Variants in ARGLU1 observed in about 807,000 individuals in gnomAD.
The protein encoded by ARGLU1 is arginine and glutamate-rich protein 1.
Under a neutral mutation model 37.6 loss-of-function variants are expected in ARGLU1, and 9 were observed. That is an observed-to-expected ratio of 0.24 (90% CI 0.14 to 0.42). The LOEUF is 0.42. Ranked by LOEUF, ARGLU1 falls within the 10% of genes least tolerant of loss-of-function variation. The pLI, the probability that ARGLU1 is intolerant of heterozygous loss-of-function variation, is 1.00. For synonymous variants in ARGLU1, 166 were observed against 138.5 expected (o/e 1.20, Z -1.39); for missense variants, 211 against 359.2 (o/e 0.59, Z 3.34).
intron 1 of ARGLU1, among the ~76,000 whole-genome samples, chr13:106,565,831 T>C (rs1243071571): frequency 1.3e-5 from 2 of 152,242 alleles, no homozygotes; most frequent in Admixed American, 6.5e-5. Flanking sequence ...CAGAGAACCA[T>C]ATAGCTCCTC....
chr13:106,546,955 T>C (rs1308611418), intron 3 of ARGLU1, among the ~76,000 whole-genome samples: 35 of 152,178 alleles, frequency 2.3e-4, no homozygotes, highest in Admixed American at 2.3e-3. Context: ...ATGTGGGGCA[T>C]TTAAGCAGTG....
At position 106,567,496 on chromosome 13, in the gene ARGLU1, G is replaced by T. The variant is rs1881002932; in HGVS notation, c.347+77C>A. 10 of 1,092,290 alleles carry T rather than the reference G, an allele frequency of 9.2e-6. No homozygotes were observed. The highest frequency in any genetic ancestry group is 7.7e-5 in the East Asian group (3 of 39,212). 67.7% of individuals were successfully genotyped at this position (1,092,290 alleles called of 1,614,324 possible). On this transcript the variant is annotated intron_variant, in intron 1 of 3. Coordinates refer to ENST00000400198, the MANE Select transcript of ARGLU1 (RefSeq NM_018011.4). This position sits in a 1 kb window ranked among gnomAD's most constrained non-coding sequence, Gnocchi z 4.3. ...CCCCGCCATTCTCCCGGCCCGCACC[G>T]TCCCGCCCCGGCCCCACGCCCTCGC...
chr13:106,548,587 C>T (rs16968844), intron 3 of ARGLU1, among the ~76,000 whole-genome samples: 3,416 of 152,158 alleles, frequency 0.022, 120 homozygotes, highest in African/African-American at 0.079. Flanking sequence ...GCAGACCCTC[C>T]TAGCCATTAT....
intron 1 of ARGLU1, among the ~76,000 whole-genome samples, chr13:106,560,467 A>C (rs993897553): frequency 1.7e-4 from 26 of 152,218 alleles, no homozygotes; most frequent in Non-Finnish European, 3.2e-4. Flanking sequence ...CATACCAATG[A>C]TATTCAGTGA....
intron 3 of ARGLU1, among the ~76,000 whole-genome samples, chr13:106,544,922 C>A (rs1477254864): frequency 6.6e-6 from 1 of 152,258 alleles, no homozygotes; most frequent in Non-Finnish European, 1.5e-5. Flanking sequence ...TCCACTCCTG[C>A]AGTGCCTTCA....
chr13:106,547,423 AAC>A (rs1439123442), intron 3 of ARGLU1, among the ~76,000 whole-genome samples: 2 of 152,218 alleles, frequency 1.3e-5, no homozygotes, highest in East Asian at 1.9e-4. Context: ...TACATATTAC[AAC>A]ACAGTTTATA....
rs866944922 is a variant in ARGLU1, at chr13:106,542,551, T to C, written c.*1445A>G. 6.6e-6 allele frequency: 1 copy of C among 152,270 alleles called. No individual in the cohort carries two copies. 9.4% of individuals were successfully genotyped at this position (152,270 alleles called of 1,614,324 possible). A position where few individuals can be genotyped will look rare whatever the true frequency, so the allele number is the denominator to read the frequency against. On this transcript the variant is annotated 3_prime_UTR_variant, in exon 4 of 4. Coordinates refer to ENST00000400198, the MANE Select transcript of ARGLU1 (RefSeq NM_018011.4). Reference sequence around the variant, plus strand: ...AGCTCAAAACTAAAGCAACAGCATTTTTCCTAGCATGCACACACAAAATAA... The same window carrying C: ...AGCTCAAAACTAAAGCAACAGCATTCTTCCTAGCATGCACACACAAAATAA...
In ARGLU1 at chr13:106,557,591, TCGG is replaced by T; in HGVS notation, c.574-463_574-461del. On this transcript the variant is annotated intron_variant, in intron 2 of 3. Coordinates refer to ENST00000400198, the MANE Select transcript of ARGLU1 (RefSeq NM_018011.4). This position sits in a 1 kb window ranked among gnomAD's most constrained non-coding sequence, Gnocchi z 5.0. ...TCCAGTGTCCTGCAGAGTGTGCTCC[TCGG>T]CTGCCATACGCGCCAGCTTCCTCTT... The T allele has an allele frequency of 6.2e-7, 1 of 1,608,054 alleles. No individual in the cohort carries two copies. The highest frequency in any genetic ancestry group is 8.5e-7 in the Non-Finnish European group (1 of 1,177,828).
chr13:106,564,728 C>G (rs1228005015), intron 1 of ARGLU1, among the ~76,000 whole-genome samples: 1 of 152,200 alleles, frequency 6.6e-6, no homozygotes, highest in African/African-American at 2.4e-5. Context: ...AGCGAAGCCC[C>G]TCTCAGCTAG....
chr13:106,552,624 C>T (rs1195506796), intron 3 of ARGLU1, among the ~76,000 whole-genome samples: 1 of 152,162 alleles, frequency 6.6e-6, no homozygotes, highest in Admixed American at 6.5e-5. Flanking sequence ...ATATACATTT[C>T]AGAACAGTAT....
At position 106,552,152 on chromosome 13, in the gene ARGLU1, T is replaced by C. The variant is rs370909093; in HGVS notation, c.657+4896A>G. Among the ~76,000 whole-genome samples, 16 of 152,348 alleles carry C rather than the reference T, an allele frequency of 1.1e-4. 1 individual carries two copies. The highest frequency in any genetic ancestry group is 3.8e-4 in the African/African-American group (16 of 41,590). On this transcript the variant is annotated intron_variant, in intron 3 of 3. Transcript: ENST00000400198. Reference sequence around the variant, plus strand: ...ATGTATGTGGTACACATTTGATATATAAGCAACTTTCAAACATGGCATATC... The same window carrying C: ...ATGTATGTGGTACACATTTGATATACAAGCAACTTTCAAACATGGCATATC...
intron 2 of ARGLU1, chr13:106,558,879 G>A (rs1057021680): frequency 1.0e-6 from 1 of 985,392 alleles, no homozygotes; most frequent in Non-Finnish European, 1.2e-6. Context: ...CAGAATGCTA[G>A]AATTAGTCCA....
At chr13:106,561,049 A>C (rs566896760) in intron 1 of ARGLU1, among the ~76,000 whole-genome samples, 1 of 152,272 alleles carries the variant, frequency 6.6e-6, no homozygotes, top group South Asian at 2.1e-4. Flanking sequence ...TATCCTCTAC[A>C]TTCTTCTGTC....
chr13:106,567,604 T>C lies in ARGLU1; in HGVS notation c.316A>G (p.Lys106Glu), dbSNP rs1566477228. The change falls in exon 1 of 4, where the codon AAG becomes GAG. Residue 106 changes from lysine (K) to glutamate (E), a missense_variant. Around this residue, in one of 3 missense-constraint regions of ARGLU1, gnomAD observed 130 missense variants for 179.8 expected, o/e 0.72. Transcript: ENST00000400198. The surrounding 1 kb of genome is among the most constrained non-coding windows in gnomAD (Gnocchi z 4.3). ...DEKQKREEEE[K>E]KAEFERQRKI... Reference sequence around the variant, plus strand: ...CGCTGCCGCTCGAACTCCGCTTTCTTCTCCTCCTCCTCTCGCTTCTGCTTC... The same window carrying C: ...CGCTGCCGCTCGAACTCCGCTTTCTCCTCCTCCTCCTCTCGCTTCTGCTTC... 2 of 1,613,184 alleles carry C rather than the reference T, an allele frequency of 1.2e-6. No individual in the cohort carries two copies. The highest frequency in any genetic ancestry group is 1.7e-6 in the Non-Finnish European group (2 of 1,179,478).
chr13:106,555,085 C>T (rs1566473002), intron 3 of ARGLU1, among the ~76,000 whole-genome samples: 2 of 151,752 alleles, frequency 1.3e-5, no homozygotes, highest in African/African-American at 4.8e-5. Context: ...GGGCCAGGAG[C>T]GGTGGCTCAC....
chr13:106,561,459 A>ACACG (rs1472047386), intron 1 of ARGLU1, among the ~76,000 whole-genome samples: 3 of 140,266 alleles, frequency 2.1e-5, no homozygotes, highest in African/African-American at 7.8e-5. Flanking sequence ...ACACACACAC[A>ACACG]CACTTTTGCT....
At position 106,567,838 on chromosome 13, in the gene ARGLU1, G is replaced by A. The variant is rs1416148812; in HGVS notation, c.82C>T (p.Arg28Trp). ...CGCTCCTTGTCCCGGGATCGCGACC[G>A]GGACCGGCTGCGCTTCTTGTTGTGC... ...SKHNKKRSRS[R>W]SRSRDKERVR... Residue 28 changes from arginine to tryptophan, a missense_variant, in exon 1 of 4, where the codon CGG becomes TGG. Transcript: ENST00000400198. The surrounding 1 kb of genome is among the most constrained non-coding windows in gnomAD (Gnocchi z 4.3). The A allele has an allele frequency of 6.8e-6, 11 of 1,613,368 alleles. No homozygotes were observed. The highest frequency in any genetic ancestry group is 8.5e-7 in the Non-Finnish European group (1 of 1,179,858).
At chr13:106,547,914 A>G (rs1045009199) in intron 3 of ARGLU1, among the ~76,000 whole-genome samples, 4 of 152,204 alleles carry the variant, frequency 2.6e-5, no homozygotes, top group Admixed American at 6.5e-5. Flanking sequence ...CTAATTCTGC[A>G]CTTTAGATTG....
Position 106,543,608 on chromosome 13 carries a change from T to TC in ARGLU1, c.*387_*388insG, listed in dbSNP as rs1555326367. On this transcript the variant is annotated 3_prime_UTR_variant, in exon 4 of 4. Coordinates refer to ENST00000400198, the MANE Select transcript of ARGLU1 (RefSeq NM_018011.4). The stretch of plus-strand genomic sequence containing the variant: ...AACTTTTTCTTTTTTTATAAATATA[T>TC]AAAAAAACAAAAAGTCAGCAAAACC... 6.5e-6 allele frequency: 1 copy of TC among 153,110 alleles called. No individual in the cohort carries two copies. Among genetic ancestry groups the TC allele is most frequent in the Non-Finnish European group, 1.5e-5 (1 of 68,592 alleles). 9.5% of individuals were successfully genotyped at this position (153,110 alleles called of 1,614,324 possible).
Sources: gnomAD v4.1 joint callset for allele counts (sites outside exome capture counted in the v4.1 genomes callset) on GRCh38, gnomAD v4.1.1 for gene constraint, gnomAD v4.1.1 regional missense constraint, Gnocchi (gnomAD v3.1) non-coding constraint, MANE v1.5 for transcripts, NCBI Gene and HGNC (gene_info 2026-07-23, HGNC 2026-07-21) for gene names.